CC2D2B: variants seen among roughly 807,000 people sequenced by gnomAD.
The protein encoded by CC2D2B is protein CC2D2B.
Under a neutral mutation model 161.2 loss-of-function variants are expected in CC2D2B, and 128 were observed. That is an observed-to-expected ratio of 0.79 (90% confidence interval 0.69 to 0.92). CC2D2B has a LOEUF of 0.92. CC2D2B is among the 40% of genes least tolerant of loss of function. The pLI is 0.00. For missense variants in CC2D2B, 1,173 were observed against 1,375.1 expected (o/e 0.85, Z 2.32); for synonymous variants, 391 against 449.8 (o/e 0.87, Z 1.65).
At chr10:95,914,393 A>G (rs2098512088) in intron 2 of CC2D2B, among the ~76,000 whole-genome samples, 1 of 152,078 alleles carries the variant, frequency 6.6e-6, no homozygotes, top group Non-Finnish European at 1.5e-5. Context: ...CTGTAGCACA[A>G]TTTGAAGTCA....
At chr10:95,943,739 A>G (rs906445117) in intron 9 of CC2D2B, among the ~76,000 whole-genome samples, 2 of 151,728 alleles carry the variant, frequency 1.3e-5, no homozygotes, top group African/African-American at 2.4e-5. Context: ...TTTATTATCT[A>G]TTTTTTCTCT....
At chr10:96,014,960 T>A (rs1489437680) in intron 29 of CC2D2B, among the ~76,000 whole-genome samples, 1 of 152,136 alleles carries the variant, frequency 6.6e-6, no homozygotes, top group African/African-American at 2.4e-5. Flanking sequence ...CCATAATGAT[T>A]GGTAAATAGT....
At chr10:96,012,442 T>G in intron 27 of CC2D2B, 75 bp downstream of exon 27, 3 of 963,766 alleles carry the variant, frequency 3.1e-6, no homozygotes, top group Non-Finnish European at 4.8e-6. Context: ...AGTAATAATT[T>G]CAAAGATGGC....
chr10:95,982,182 T>A (rs1483096043), intron 18 of CC2D2B, 69 bp downstream of exon 18: 3 of 1,048,030 alleles, frequency 2.9e-6, no homozygotes, highest in South Asian at 9.9e-5. Flanking sequence ...GAAAGTATAG[T>A]TTCCCCCATA....
chr10:95,965,785 T>TTGTGTGTGTGTGTG (rs59230785), intron 12 of CC2D2B, 111 bp from the exon 13 acceptor site: 29 of 344,450 alleles, frequency 8.4e-5, no homozygotes, highest in African/African-American at 5.0e-4. Context: ...GAGATTGGTT[T>TTGTGTGTGTGTGTG]TGTGTGTGTG....
chr10:95,935,265 T>C (rs10882692), intron 6 of CC2D2B, among the ~76,000 whole-genome samples: 18,531 of 152,182 alleles, frequency 0.12, 1,914 homozygotes, highest in African/African-American at 0.27. Context: ...AGATTTCCTT[T>C]TACTCAAATG....
intron 6 of CC2D2B, among the ~76,000 whole-genome samples, chr10:95,927,962 G>A (rs2098542561): frequency 6.6e-6 from 1 of 151,880 alleles, no homozygotes; most frequent in Non-Finnish European, 1.5e-5. Context: ...TCTTGTTCCT[G>A]GACACTTTCT....
chr10:96,027,248 G>T lies in CC2D2B; in HGVS notation c.3984G>T (p.Trp1328Cys), dbSNP rs1186779002. The T allele has an allele frequency of 2.6e-6, 4 of 1,546,856 alleles. No homozygotes were observed. Among genetic ancestry groups the T allele is most frequent in the Non-Finnish European group, 3.5e-6 (4 of 1,145,142 alleles). Residue 1328 changes from tryptophan to cysteine, a missense_variant, in exon 34 of 35, where the codon TGG becomes TGT. By Grantham distance (215) the Trp-to-Cys change is radical. Coordinates refer to ENST00000646931, the MANE Select transcript of CC2D2B (RefSeq NM_001349008.3). Reference protein sequence around the residue: ...ERTLKSKVMEWRPKHPTHWNR... With the variant: ...ERTLKSKVMECRPKHPTHWNR... ...CTCTGAAGAGTAAAGTGATGGAATGGCGACCTAAACACCCAACACATTGGA... is the reference window on the plus strand; with the variant it reads ...CTCTGAAGAGTAAAGTGATGGAATGTCGACCTAAACACCCAACACATTGGA...
At chr10:95,956,566 G>A (rs1419280280) in intron 11 of CC2D2B, among the ~76,000 whole-genome samples, 1 of 152,038 alleles carries the variant, frequency 6.6e-6, no homozygotes, top group Admixed American at 6.6e-5. Flanking sequence ...GAGTTTCTAG[G>A]AAGATGGAAG....
intron 11 of CC2D2B, among the ~76,000 whole-genome samples, chr10:95,960,672 T>C (rs1336458): frequency 0.59 from 89,533 of 151,822 alleles, 26,973 homozygotes; most frequent in Admixed American, 0.66. Flanking sequence ...ACCATCATGC[T>C]TGGCTAGTTT....
chr10:95,909,095 T>G (rs2098501501), intron 1 of CC2D2B, among the ~76,000 whole-genome samples: 1 of 152,196 alleles, frequency 6.6e-6, no homozygotes, highest in South Asian at 2.1e-4. Context: ...TTAAATAAAT[T>G]CACAGATCAG....
intron 34 of CC2D2B, among the ~76,000 whole-genome samples, chr10:96,029,190 T>G (rs1373597383): frequency 6.9e-6 from 1 of 145,358 alleles, no homozygotes; most frequent in African/African-American, 2.5e-5. Context: ...ATTATGTGAC[T>G]ACTATGCATT....
chr10:95,953,633 C>G (rs2076479247), intron 10 of CC2D2B, among the ~76,000 whole-genome samples: 1 of 152,180 alleles, frequency 6.6e-6, no homozygotes, highest in African/African-American at 2.4e-5. Context: ...TTTTTGGTTG[C>G]AATTCATGGA....
At chr10:95,924,070 T>C (rs1405198753) in intron 3 of CC2D2B, among the ~76,000 whole-genome samples, 1 of 151,848 alleles carries the variant, frequency 6.6e-6, no homozygotes, top group Non-Finnish European at 1.5e-5. Flanking sequence ...ATAGAAAAGT[T>C]GTCACAAAGA....
intron 2 of CC2D2B, among the ~76,000 whole-genome samples, chr10:95,912,555 G>A (rs2098508233): frequency 6.6e-6 from 1 of 152,144 alleles, no homozygotes; most frequent in South Asian, 2.1e-4. Context: ...TGGCCACAGA[G>A]GTAGAAGGGT....
At chr10:95,972,346 T>G (rs1342773675) in intron 16 of CC2D2B, 130 bp downstream of exon 16, 1 of 641,408 alleles carries the variant, frequency 1.6e-6, no homozygotes, top group African/African-American at 1.9e-5. Context: ...GTTTGTTTGT[T>G]TGAGACAGAA....
At chr10:95,986,446 T>A (rs946718706) in intron 19 of CC2D2B, among the ~76,000 whole-genome samples, 1 of 148,722 alleles carries the variant, frequency 6.7e-6, no homozygotes, top group Non-Finnish European at 1.5e-5. Flanking sequence ...TGGAAAGAAA[T>A]AAAATTAGAT....
intron 24 of CC2D2B, among the ~76,000 whole-genome samples, chr10:95,998,502 T>C (rs2078324428): frequency 6.6e-6 from 1 of 152,160 alleles, no homozygotes; most frequent in Non-Finnish European, 1.5e-5. Context: ...AATGTCATTG[T>C]GTACATCAAG....
chr10:95,996,333 A>G, intron 24 of CC2D2B, 81 bp downstream of exon 24: 2 of 643,048 alleles, frequency 3.1e-6, no homozygotes, highest in Non-Finnish European at 2.6e-6. Context: ...TATTGAAAAT[A>G]ATTATTGAAA....
Sources: allele counts gnomAD v4.1 joint callset (sites outside exome capture counted in the v4.1 genomes callset), GRCh38; gene constraint gnomAD v4.1.1; transcripts MANE v1.5; gene names NCBI Gene and HGNC (gene_info 2026-07-23, HGNC 2026-07-21).